The following USH2A variants were observed in gnomAD, a reference collection of about 807,000 sequenced individuals.
USH2A encodes the protein Usher syndrome 2A (autosomal recessive, mild).
USH2A carries 443 observed loss-of-function variants against 538.9 expected under a neutral mutation model. That is an observed-to-expected ratio of 0.82 (90% CI 0.76 to 0.89). The LOEUF (loss-of-function observed/expected upper bound fraction) is 0.89. USH2A is among the 40% of genes least tolerant of loss of function. The pLI is 0.00. For synonymous variants in USH2A, 2,413 were observed against 2,273.5 expected (o/e 1.06, Z -1.75); for missense variants, 6,633 against 6,324.8 (o/e 1.05, Z -1.65).
chr1:215,717,439 GA>G (rs1459851108), intron 61 of USH2A, among the ~76,000 whole-genome samples: 1 of 152,136 alleles, frequency 6.6e-6, no homozygotes, highest in African/African-American at 2.4e-5. Context: ...GCTGGGTTTG[GA>G]TTCAGGAGTA....
At chr1:215,864,525 G>C (rs1664420023) in intron 44 of USH2A, among the ~76,000 whole-genome samples, 1 of 152,186 alleles carries the variant, frequency 6.6e-6, no homozygotes, top group Admixed American at 6.5e-5. Flanking sequence ...TCTGTCTAAA[G>C]GGGAAGCCAG....
intron 38 of USH2A, among the ~76,000 whole-genome samples, chr1:215,927,488 A>G (rs1666264721): frequency 6.6e-6 from 1 of 152,152 alleles, no homozygotes; most frequent in Non-Finnish European, 1.5e-5. Flanking sequence ...TGTGTTCTAA[A>G]TTAAAGTTGT....
chr1:215,871,048 C>T (rs987761150), intron 43 of USH2A, among the ~76,000 whole-genome samples: 3 of 151,964 alleles, frequency 2.0e-5, no homozygotes, highest in African/African-American at 7.3e-5. Flanking sequence ...TAAGTGAATA[C>T]TTATATTGAG....
At chr1:216,208,993 T>A (rs934759265) in intron 15 of USH2A, among the ~76,000 whole-genome samples, 3 of 152,182 alleles carry the variant, frequency 2.0e-5, no homozygotes, top group African/African-American at 7.2e-5. Flanking sequence ...AAAGCAGGTG[T>A]TAAGCATAAA....
intron 3 of USH2A, among the ~76,000 whole-genome samples, chr1:216,404,884 C>A (rs2102765173): frequency 6.6e-6 from 1 of 151,562 alleles, no homozygotes; most frequent in South Asian, 2.1e-4. Context: ...TCAGCCTCCC[C>A]CATAGGTGGA....
intron 21 of USH2A, among the ~76,000 whole-genome samples, chr1:216,172,597 G>A (rs1431049441): frequency 1.3e-5 from 2 of 151,896 alleles, no homozygotes; most frequent in African/African-American, 2.4e-5. Context: ...CTGTTTTAAC[G>A]CATAACACTT....
chr1:215,928,665 G>T (rs1035345765), intron 38 of USH2A, among the ~76,000 whole-genome samples: 2 of 152,058 alleles, frequency 1.3e-5, no homozygotes, highest in Non-Finnish European at 2.9e-5. Context: ...CTTGACTCTT[G>T]AAACCCTGAG....
At chr1:215,696,402 T>A (rs1421945505) in intron 61 of USH2A, among the ~76,000 whole-genome samples, 1 of 152,128 alleles carries the variant, frequency 6.6e-6, no homozygotes, top group African/African-American at 2.4e-5. Context: ...CAGGTTTGGG[T>A]TTTGAAACTG....
At chr1:216,286,677 T>C (rs1379957835) in intron 11 of USH2A, among the ~76,000 whole-genome samples, 1 of 152,088 alleles carries the variant, frequency 6.6e-6, no homozygotes, top group Admixed American at 6.5e-5. Flanking sequence ...TGAGCCAAGA[T>C]TGAGCCACTG....
chr1:216,176,508 C>T (rs1214425298), intron 20 of USH2A, among the ~76,000 whole-genome samples: 4 of 152,150 alleles, frequency 2.6e-5, no homozygotes, highest in East Asian at 1.9e-4. Flanking sequence ...TATCAACATC[C>T]GGCACCCAAA....
At chr1:215,929,339 G>A (rs1472745106) in intron 38 of USH2A, among the ~76,000 whole-genome samples, 2 of 152,200 alleles carry the variant, frequency 1.3e-5, no homozygotes, top group Admixed American at 6.6e-5. Flanking sequence ...TGGAGGTCAT[G>A]GAGGAGGATG....
intron 55 of USH2A, among the ~76,000 whole-genome samples, chr1:215,779,344 A>G (rs1661554098): frequency 6.6e-6 from 1 of 152,178 alleles, no homozygotes. Flanking sequence ...TAAACATTAT[A>G]ATAAATTAAA....
chr1:216,147,895 G>A (rs1416149519), intron 21 of USH2A, among the ~76,000 whole-genome samples: 1 of 148,086 alleles, frequency 6.8e-6, no homozygotes, highest in Non-Finnish European at 1.5e-5. Context: ...CGTCCCATCT[G>A]TGTGGGACCC....
intron 56 of USH2A, among the ~76,000 whole-genome samples, chr1:215,763,558 G>A (rs12146110): frequency 0.19 from 29,608 of 152,120 alleles, 3,087 homozygotes; most frequent in East Asian, 0.36. Flanking sequence ...TGCATGGCAT[G>A]TGGGGAAGAT....
intron 21 of USH2A, among the ~76,000 whole-genome samples, chr1:216,146,921 C>A (rs1479894275): frequency 6.6e-6 from 1 of 152,184 alleles, no homozygotes. Context: ...TTCTGCAATG[C>A]CACTTGACCC....
chr1:215,832,553 C>T (rs947861619), intron 47 of USH2A, among the ~76,000 whole-genome samples: 3 of 151,844 alleles, frequency 2.0e-5, no homozygotes, highest in Admixed American at 6.6e-5. Flanking sequence ...ATTTCCATGT[C>T]CATTTATAAT....
chr1:216,201,011 CCCTTCCTTCCTTCCTT>C (rs1246221491), intron 16 of USH2A, among the ~76,000 whole-genome samples: 28 of 39,054 alleles, frequency 7.2e-4, no homozygotes, highest in African/African-American at 2.2e-3. Context: ...CTCCCTCCCT[CCCTTCCTTCCTTCCTT>C]CCTTCCTTCC....
At position 215,998,513 on chromosome 1, in the gene USH2A, G is replaced by T. The variant is rs1359177660; in HGVS notation, c.6657+374C>A. On this transcript the variant is annotated intron_variant, in intron 34 of 71. Coordinates refer to ENST00000307340, the MANE Select transcript of USH2A (RefSeq NM_206933.4). Reference sequence around the variant, plus strand: ...AATATAAGATCTAAATTTTCATACTGTGCATTGTTTTTTAAATGAATACAA... The same window carrying T: ...AATATAAGATCTAAATTTTCATACTTTGCATTGTTTTTTAAATGAATACAA... Among the ~76,000 whole-genome samples the T allele has an allele frequency of 2.0e-5, 3 of 151,978 alleles. No homozygotes were observed. In the East Asian group the frequency reaches 5.8e-4, roughly 29 times the overall value.
At chr1:216,329,093 T>C (rs2037796036) in intron 4 of USH2A, among the ~76,000 whole-genome samples, 1 of 152,096 alleles carries the variant, frequency 6.6e-6, no homozygotes, top group Admixed American at 6.6e-5. Flanking sequence ...GTTTCTCTAC[T>C]CTATCTATCC....
Sources: gnomAD v4.1 joint callset for allele counts (sites outside exome capture counted in the v4.1 genomes callset) on GRCh38, gnomAD v4.1.1 for gene constraint, MANE v1.5 for transcripts, NCBI Gene and HGNC (gene_info 2026-07-23, HGNC 2026-07-21) for gene names.